RNF217: variants seen among roughly 807,000 people sequenced by gnomAD.
RNF217 encodes ring finger protein 217.
A neutral mutation model predicts 57.8 loss-of-function variants in RNF217; 31 were observed. The ratio of observed to expected loss-of-function variants is 0.54; its 90% confidence interval spans 0.40 to 0.72. The LOEUF (loss-of-function observed/expected upper bound fraction) is 0.72, where lower values mean the gene tolerates loss of function less well. Ranked by LOEUF, RNF217 falls within the 30% of genes least tolerant of loss-of-function variation. RNF217 has a pLI of 0.00. For synonymous variants in RNF217, 313 were observed against 294.0 expected (o/e 1.06, Z -0.66); for missense variants, 696 against 708.3 (o/e 0.98, Z 0.20).
intron 2 of RNF217, among the ~76,000 whole-genome samples, chr6:125,050,985 A>T (rs560739): frequency 2.1e-4 from 32 of 151,780 alleles, no homozygotes; most frequent in African/African-American, 7.0e-4. Context: ...TTGAAAAAAC[A>T]TATAACACTC....
intron 3 of RNF217, among the ~76,000 whole-genome samples, chr6:125,073,838 A>G (rs1420885290): frequency 6.6e-6 from 1 of 152,196 alleles, no homozygotes; most frequent in Admixed American, 6.5e-5. Flanking sequence ...AAACAACTTT[A>G]TATTGACCTG....
At chr6:125,076,402 GTT>G (rs1788373463) in intron 3 of RNF217, among the ~76,000 whole-genome samples, 1 of 152,086 alleles carries the variant, frequency 6.6e-6, no homozygotes, top group South Asian at 2.1e-4. Context: ...CTTGGAATGT[GTT>G]TGCTTTTATA....
intron 1 of RNF217, among the ~76,000 whole-genome samples, chr6:125,025,868 G>C (rs1786062597): frequency 6.6e-6 from 1 of 152,178 alleles, no homozygotes; most frequent in African/African-American, 2.4e-5. Context: ...GATCCTGTTG[G>C]ATTTTTATTC....
chr6:125,038,963 G>A (rs982157962), intron 1 of RNF217, among the ~76,000 whole-genome samples: 1 of 151,976 alleles, frequency 6.6e-6, no homozygotes, highest in Non-Finnish European at 1.5e-5. Flanking sequence ...TGCATTAGCT[G>A]TTTCTCCTAA....
At chr6:125,049,039 C>T (rs925899097) in intron 2 of RNF217, among the ~76,000 whole-genome samples, 1 of 152,114 alleles carries the variant, frequency 6.6e-6, no homozygotes, top group East Asian at 1.9e-4. Flanking sequence ...TGTCATGATG[C>T]CAGAAAGGCT....
intron 1 of RNF217, among the ~76,000 whole-genome samples, chr6:124,970,079 A>G (rs1783705273): frequency 6.6e-6 from 1 of 152,162 alleles, no homozygotes; most frequent in Non-Finnish European, 1.5e-5. Context: ...TAAAAAGAAG[A>G]CAGCAGGAGG....
intron 3 of RNF217, among the ~76,000 whole-genome samples, chr6:125,063,165 AGACTGTTTT>A (rs1787802873): frequency 6.6e-6 from 1 of 152,212 alleles, no homozygotes; most frequent in African/African-American, 2.4e-5. Flanking sequence ...AATTCATTTT[AGACTGTTTT>A]ATACCACAGA....
rs1389321764 is a variant in RNF217 at position 125,082,991 on chromosome 6, G to C, written c.*54G>C. The C allele has an allele frequency of 2.5e-6, 3 of 1,214,218 alleles. No individual in the cohort carries two copies. Among genetic ancestry groups the C allele is most frequent in the African/African-American group, 1.6e-5 (1 of 64,048 alleles). 75.2% of individuals were successfully genotyped at this position (1,214,218 alleles called of 1,614,324 possible). ...GGTTGGAGTAGGAGCGATACCAAAG[G>C]GTACACCCATCTGTGAGTCACATCT... is the stretch of plus-strand genomic sequence containing the variant. On this transcript the variant is annotated 3_prime_UTR_variant, in exon 6 of 6. Coordinates refer to ENST00000521654, the MANE Select transcript of RNF217 (RefSeq NM_001286398.3).
chr6:125,077,613 T>A (rs1196958162), intron 4 of RNF217, among the ~76,000 whole-genome samples: 1 of 152,188 alleles, frequency 6.6e-6, no homozygotes, highest in Non-Finnish European at 1.5e-5. Flanking sequence ...AATGCAGGGT[T>A]CTTCGGCGGA....
intron 1 of RNF217, among the ~76,000 whole-genome samples, chr6:125,038,374 C>G (rs1245564519): frequency 1.3e-5 from 2 of 152,102 alleles, no homozygotes; most frequent in Non-Finnish European, 2.9e-5. Flanking sequence ...TATATGGTAT[C>G]ATGGTTATGG....
At chr6:125,060,508 G>A (rs1229407616) in intron 3 of RNF217, among the ~76,000 whole-genome samples, 5 of 152,050 alleles carry the variant, frequency 3.3e-5, no homozygotes, top group Admixed American at 2.6e-4. Context: ...ATAATGGCAC[G>A]ATCTCGGCTC....
At chr6:124,987,241 G>A (rs72613292) in intron 1 of RNF217, among the ~76,000 whole-genome samples, 9,740 of 152,082 alleles carry the variant, frequency 0.064, 492 homozygotes, top group East Asian at 0.13. Context: ...TTCACATATC[G>A]TATAGTTCAC....
intron 1 of RNF217, chr6:125,009,165 T>C: frequency 6.6e-7 from 1 of 1,513,046 alleles, no homozygotes; most frequent in East Asian, 2.3e-5. Flanking sequence ...TCTCTTCTCA[T>C]ATTCATAGGT....
At chr6:125,041,869 G>A (rs968090401) in intron 1 of RNF217, among the ~76,000 whole-genome samples, 1 of 151,920 alleles carries the variant, frequency 6.6e-6, no homozygotes, top group Non-Finnish European at 1.5e-5. Flanking sequence ...AATCTAAGAT[G>A]TGATCAATTG....
chr6:125,083,015 C>A lies in RNF217; in HGVS notation c.*78C>A. 1 of 950,592 alleles carries A rather than the reference C, an allele frequency of 1.1e-6. No individual in the cohort carries two copies. Among genetic ancestry groups the A allele is most frequent in the Non-Finnish European group, 1.5e-6 (1 of 647,034 alleles). The allele number at this position is 950,592 out of a possible 1,614,324, so 58.9% of individuals were successfully genotyped here. ...GGGTACACCCATCTGTGAGTCACAT[C>A]TTGAAAAACACTGAGAGGAACCTTC... On this transcript the variant is annotated 3_prime_UTR_variant, in exon 6 of 6. Coordinates refer to ENST00000521654, the MANE Select transcript of RNF217 (RefSeq NM_001286398.3).
chr6:125,037,133 G>T (rs1331456802), intron 1 of RNF217, among the ~76,000 whole-genome samples: 2 of 148,714 alleles, frequency 1.3e-5, no homozygotes, highest in African/African-American at 4.9e-5. Flanking sequence ...AAGTGGTATT[G>T]TTCTATTCTC....
intron 1 of RNF217, among the ~76,000 whole-genome samples, chr6:124,977,959 G>C (rs948671048): frequency 6.6e-6 from 1 of 151,994 alleles, no homozygotes; most frequent in African/African-American, 2.4e-5. Context: ...TATACAGTTG[G>C]TTTAAGAAAA....
At chr6:125,076,421 A>G (rs1788374943) in intron 3 of RNF217, among the ~76,000 whole-genome samples, 1 of 152,176 alleles carries the variant, frequency 6.6e-6, no homozygotes, top group Non-Finnish European at 1.5e-5. Context: ...TATATTGGTC[A>G]AGATAAGCCA....
intron 1 of RNF217, among the ~76,000 whole-genome samples, chr6:124,999,790 TA>T (rs1005311247): frequency 5.3e-5 from 8 of 151,606 alleles, no homozygotes; most frequent in Admixed American, 2.6e-4. Flanking sequence ...ATTGTAACGT[TA>T]AAAAAAAATC....
Sources: allele counts gnomAD v4.1 joint callset (sites outside exome capture counted in the v4.1 genomes callset), GRCh38; gene constraint gnomAD v4.1.1; transcripts MANE v1.5; gene names NCBI Gene and HGNC (gene_info 2026-07-23, HGNC 2026-07-21).